The following TENM3 variants were observed in gnomAD, a reference collection of about 807,000 sequenced individuals.
The protein encoded by TENM3 is teneurin-3.
Under a neutral mutation model 255.1 loss-of-function variants are expected in TENM3, and 63 were observed. The ratio of observed to expected loss-of-function variants is 0.25; its 90% confidence interval spans 0.20 to 0.30. The LOEUF (loss-of-function observed/expected upper bound fraction) is 0.30, where lower values mean the gene tolerates loss of function less well. Among genes scored for constraint, TENM3 ranks in the 10% least tolerant of loss-of-function variants. The probability of loss-of-function intolerance (pLI) is 1.00; values close to 1 mark genes in which losing one functional copy is unlikely to be tolerated. For missense variants in TENM3, 2,929 were observed against 3,461.1 expected, an observed-to-expected ratio of 0.85 and a Z score of 3.86; for synonymous variants, 1,306 against 1,322.3, an observed-to-expected ratio of 0.99 and a Z score of 0.27.
At position 182,642,691 on chromosome 4, in the gene TENM3, T is replaced by C. The variant is rs537633655; in HGVS notation, c.989-11080T>C. ...ATCTCCCTCCAAACCTGTTCGTTCA[T>C]AAAGCCTATACTTTTAGAATGTTAT... On this transcript the variant is annotated intron_variant, in intron 5 of 27. Transcript: ENST00000511685. Among the ~76,000 whole-genome samples the C allele has an allele frequency of 1.1e-4, 17 of 152,308 alleles. No homozygotes were observed. In the South Asian group the frequency reaches 3.3e-3, roughly 30 times the overall value.
the TENM3 span, among the ~76,000 whole-genome samples, chr4:182,104,198 ATGT>A: frequency 1.3e-5 from 2 of 152,298 alleles, no homozygotes; most frequent in South Asian, 2.1e-4. Flanking sequence ...GCTCCCAAAC[ATGT>A]TGTAAGCCAG....
At chr4:182,428,919 A>G (rs1210478628) in intron 3 of TENM3, among the ~76,000 whole-genome samples, 1 of 152,212 alleles carries the variant, frequency 6.6e-6, no homozygotes, top group Non-Finnish European at 1.5e-5. Flanking sequence ...TCCAGTAAGC[A>G]TAATGGATTT....
At chr4:182,329,823 G>A (rs1420234275) in intron 2 of TENM3, among the ~76,000 whole-genome samples, 1 of 152,072 alleles carries the variant, frequency 6.6e-6, no homozygotes, top group Admixed American at 6.6e-5. Context: ...CCAGGTAGAA[G>A]AAACAACTCA....
the TENM3 span, among the ~76,000 whole-genome samples, chr4:181,966,354 T>A: frequency 6.6e-6 from 1 of 152,112 alleles, no homozygotes; most frequent in African/African-American, 2.4e-5. Flanking sequence ...TAGGGAGCCA[T>A]ATGGTGGAGT....
chr4:181,910,617 C>T, the TENM3 span, among the ~76,000 whole-genome samples: 4 of 143,036 alleles, frequency 2.8e-5, no homozygotes, highest in African/African-American at 1.0e-4. Flanking sequence ...TATAAATACA[C>T]GTGTGTGTGT....
the TENM3 span, among the ~76,000 whole-genome samples, chr4:181,913,559 A>G: frequency 6.6e-6 from 1 of 152,144 alleles, no homozygotes; most frequent in African/African-American, 2.4e-5. Context: ...TATTTTAAAG[A>G]GAGCAAGGGT....
At chr4:182,059,802 G>A in the TENM3 span, among the ~76,000 whole-genome samples, 1 of 151,200 alleles carries the variant, frequency 6.6e-6, no homozygotes, top group Admixed American at 6.6e-5. Context: ...ACATGGTAGT[G>A]CACACCTGTA....
At chr4:182,603,553 T>C (rs1385593619) in intron 4 of TENM3, among the ~76,000 whole-genome samples, 6 of 152,062 alleles carry the variant, frequency 3.9e-5, no homozygotes, top group Admixed American at 3.9e-4. Context: ...GACACAGTAC[T>C]ACTGTGGTTT....
Position 182,602,745 on chromosome 4 carries a change from A to C in TENM3, c.749+1584A>C, listed in dbSNP as rs548926349. Among the ~76,000 whole-genome samples, 9 of 152,276 alleles carry C rather than the reference A, an allele frequency of 5.9e-5. 1 individual carries two copies. The South Asian group carries it at 1.7e-3, about 28-fold the overall frequency. On this transcript the variant is annotated intron_variant, in intron 4 of 27. Transcript: ENST00000511685. ...ATTTTTTTTTCCTGAGGTTATTAGC[A>C]CAGACGTAAATTTACCCAGTGTAAT...
At chr4:182,577,768 A>G (rs1330561083) in intron 3 of TENM3, among the ~76,000 whole-genome samples, 1 of 152,182 alleles carries the variant, frequency 6.6e-6, no homozygotes, top group African/African-American at 2.4e-5. Flanking sequence ...GTACTTATTT[A>G]TCCAGTATTA....
intron 3 of TENM3, among the ~76,000 whole-genome samples, chr4:182,444,239 A>G (rs1406600277): frequency 3.3e-5 from 5 of 152,198 alleles, no homozygotes; most frequent in Admixed American, 2.6e-4. Context: ...ATGTCAGCTT[A>G]TAGTTTTACA....
At chr4:181,908,078 G>A in the TENM3 span, among the ~76,000 whole-genome samples, 1 of 152,020 alleles carries the variant, frequency 6.6e-6, no homozygotes, top group Non-Finnish European at 1.5e-5. Flanking sequence ...TTTTATACCT[G>A]GGAGTGCAAG....
intron 8 of TENM3, among the ~76,000 whole-genome samples, 166 bp from the exon 9 acceptor site, chr4:182,680,082 G>A (rs941988034): frequency 3.9e-5 from 6 of 152,180 alleles, no homozygotes; most frequent in African/African-American, 1.4e-4. Flanking sequence ...ATTACCTTGG[G>A]AGAGGAGAAT....
rs146029965 is a variant in TENM3, at chr4:182,735,452, G to C, written c.2968-1356G>C. On this transcript the variant is annotated intron_variant, in intron 16 of 27. Coordinates refer to ENST00000511685, the MANE Select transcript of TENM3 (RefSeq NM_001080477.4). ...AGGGGTCTTGGAGGGTTTTACTGAA[G>C]TTATTAAAGTTTGGAGGTGGCAGAT... Among the ~76,000 whole-genome samples, 533 of 152,272 alleles carry C rather than the reference G, an allele frequency of 3.5e-3. 6 individuals carry two copies. Among genetic ancestry groups the C allele is most frequent in the African/African-American group, 0.012 (516 of 41,544 alleles).
intron 13 of TENM3, among the ~76,000 whole-genome samples, chr4:182,716,082 C>T (rs1759137428): frequency 6.6e-6 from 1 of 152,128 alleles, no homozygotes; most frequent in Non-Finnish European, 1.5e-5. Context: ...CTCTCAAAAC[C>T]ACAGTACAGA....
chr4:182,604,784 G>C (rs1748247896), intron 4 of TENM3, among the ~76,000 whole-genome samples: 2 of 152,138 alleles, frequency 1.3e-5, no homozygotes, highest in Admixed American at 1.3e-4. Context: ...GGCATGGATA[G>C]TTCATTAGTT....
chr4:181,581,695 C>T, the TENM3 span, among the ~76,000 whole-genome samples: 2 of 151,884 alleles, frequency 1.3e-5, no homozygotes, highest in East Asian at 1.9e-4. Context: ...GAACTTCTTC[C>T]TCCAGGTTTC....
the TENM3 span, among the ~76,000 whole-genome samples, chr4:181,685,506 G>A: frequency 1.6e-4 from 24 of 152,134 alleles, no homozygotes; most frequent in Non-Finnish European, 2.8e-4. Flanking sequence ...AATACTTTAG[G>A]CAGGTTTACA....
At chr4:181,477,204 C>G in the TENM3 span, among the ~76,000 whole-genome samples, 2 of 152,000 alleles carry the variant, frequency 1.3e-5, no homozygotes, top group African/African-American at 4.8e-5. Flanking sequence ...TCAGCAAATC[C>G]CCGAAATGCT....
Sources: allele counts gnomAD v4.1 joint callset (sites outside exome capture counted in the v4.1 genomes callset), GRCh38; gene constraint gnomAD v4.1.1; transcripts MANE v1.5; gene names NCBI Gene and HGNC (gene_info 2026-07-23, HGNC 2026-07-21).